FOXP1: variants seen among roughly 807,000 people sequenced by gnomAD.
FOXP1 encodes forkhead box protein P1.
In FOXP1, 15 loss-of-function variants were observed where a neutral mutation model predicts 98.2. That is an observed-to-expected ratio of 0.15 (90% confidence interval 0.10 to 0.24). FOXP1 has a LOEUF of 0.24. Ranked by LOEUF, FOXP1 falls within the 10% of genes least tolerant of loss-of-function variation. FOXP1 has a pLI of 1.00. For synonymous variants in FOXP1, 371 were observed against 314.5 expected, an observed-to-expected ratio of 1.18 and a Z score of -1.90; for missense variants, 633 against 848.5, an observed-to-expected ratio of 0.75 and a Z score of 3.15.
intron 6 of FOXP1, among the ~76,000 whole-genome samples, chr3:71,121,488 A>G (rs1575829766): frequency 9.9e-6 from 1 of 101,020 alleles, no homozygotes; most frequent in Non-Finnish European, 2.5e-5. Flanking sequence ...TAAAAAAAAA[A>G]CCCACCATCA....
intron 3 of FOXP1, among the ~76,000 whole-genome samples, chr3:71,386,600 G>A (rs979547284): frequency 6.6e-6 from 1 of 151,964 alleles, no homozygotes; most frequent in African/African-American, 2.4e-5. Flanking sequence ...AAAATTAGCT[G>A]GGCGTGGTAG....
chr3:71,040,441 C>T (rs930996941), intron 11 of FOXP1: 3 of 152,048 alleles, frequency 2.0e-5, no homozygotes, highest in African/African-American at 7.2e-5. Context: ...GAATAGCAAA[C>T]AAAAAGTTTT....
chr3:71,552,934 C>T (rs1159360334), intron 2 of FOXP1, among the ~76,000 whole-genome samples: 3 of 151,996 alleles, frequency 2.0e-5, no homozygotes, highest in African/African-American at 2.4e-5. Flanking sequence ...TCTCTTACCA[C>T]ATCACCAGTA....
At chr3:71,065,605 T>A (rs1159892661) in intron 7 of FOXP1, 2 of 152,082 alleles carry the variant, frequency 1.3e-5, no homozygotes, top group Non-Finnish European at 1.5e-5. Flanking sequence ...GGGGTGGAAA[T>A]AAATAACAAC....
intron 4 of FOXP1, among the ~76,000 whole-genome samples, chr3:71,315,629 T>C (rs1258954414): frequency 2.6e-5 from 4 of 152,170 alleles, no homozygotes; most frequent in African/African-American, 9.6e-5. Context: ...GGGAGGGGAC[T>C]CTGTGTGACC....
chr3:71,287,852 C>T (rs114235864), intron 5 of FOXP1, among the ~76,000 whole-genome samples: 1,526 of 152,156 alleles, frequency 0.01, 30 homozygotes, highest in African/African-American at 0.034. Context: ...AATAAGGTTA[C>T]CAATGAAATT....
At chr3:71,291,607 A>C (rs2072750258) in intron 5 of FOXP1, among the ~76,000 whole-genome samples, 1 of 152,186 alleles carries the variant, frequency 6.6e-6, no homozygotes, top group Non-Finnish European at 1.5e-5. Context: ...CATTGCAAAG[A>C]CAGTACTCAT....
At chr3:71,089,149 A>T (rs1559905337) in intron 7 of FOXP1, among the ~76,000 whole-genome samples, 1 of 152,190 alleles carries the variant, frequency 6.6e-6, no homozygotes, top group Non-Finnish European at 1.5e-5. Context: ...CATGCCTTGG[A>T]TAGTACCTTC....
intron 4 of FOXP1, chr3:71,302,763 C>G (rs2073956945): frequency 6.6e-6 from 1 of 152,052 alleles, no homozygotes; most frequent in Non-Finnish European, 1.5e-5. Flanking sequence ...GTTCCATGGC[C>G]TCTTCACTAT....
chr3:71,576,363 A>G (rs1284477115), intron 2 of FOXP1, among the ~76,000 whole-genome samples: 1 of 152,218 alleles, frequency 6.6e-6, no homozygotes, highest in East Asian at 1.9e-4. Flanking sequence ...TAAAAATACA[A>G]TTTGGAAGGA....
At chr3:71,474,005 TAC>T (rs2089595701) in intron 3 of FOXP1, among the ~76,000 whole-genome samples, 8 of 152,208 alleles carry the variant, frequency 5.3e-5, no homozygotes, top group Admixed American at 4.6e-4. Flanking sequence ...GATGATCTAT[TAC>T]ACCGTTCATA....
chr3:71,371,001 T>C (rs1449636343), intron 3 of FOXP1, among the ~76,000 whole-genome samples: 2 of 151,958 alleles, frequency 1.3e-5, no homozygotes, highest in African/African-American at 4.8e-5. Flanking sequence ...GGTCTCGAAC[T>C]CCTGACCTCA....
intron 2 of FOXP1, among the ~76,000 whole-genome samples, chr3:71,503,754 T>C (rs2041600219): frequency 6.6e-6 from 1 of 152,122 alleles, no homozygotes; most frequent in Non-Finnish European, 1.5e-5. Flanking sequence ...TGGAGCCTCA[T>C]CCATCATTCA....
At chr3:71,236,721 A>C (rs1466607783) in intron 5 of FOXP1, among the ~76,000 whole-genome samples, 2 of 151,900 alleles carry the variant, frequency 1.3e-5, no homozygotes, top group Non-Finnish European at 2.9e-5. Context: ...GACAATAAAA[A>C]TCATTAGCTG....
At chr3:71,177,998 G>C (rs1307142501) in intron 6 of FOXP1, among the ~76,000 whole-genome samples, 2 of 112,574 alleles carry the variant, frequency 1.8e-5, no homozygotes, top group Non-Finnish European at 3.6e-5. Flanking sequence ...ACCACACCTG[G>C]CTATTTTTTA....
At chr3:71,490,150 C>A (rs1172347724) in intron 3 of FOXP1, among the ~76,000 whole-genome samples, 1 of 152,136 alleles carries the variant, frequency 6.6e-6, no homozygotes, top group Non-Finnish European at 1.5e-5. Context: ...CCAGTCACTG[C>A]AGCACAGAGG....
intron 7 of FOXP1, among the ~76,000 whole-genome samples, chr3:71,095,867 T>A (rs2056404889): frequency 1.3e-5 from 2 of 152,318 alleles, no homozygotes; most frequent in South Asian, 4.1e-4. Flanking sequence ...GTGCATAAAA[T>A]GTGTAGAGAA....
chr3:71,015,456 ACT>A, intron 12 of FOXP1, 91 bp downstream of exon 12: 1 of 787,602 alleles, frequency 1.3e-6, no homozygotes, highest in Non-Finnish European at 2.2e-6. Context: ...GTGAGGTGAA[ACT>A]CTCCATCAAA....
intron 3 of FOXP1, among the ~76,000 whole-genome samples, chr3:71,432,866 A>AC (rs142495025): frequency 0.019 from 2,695 of 138,416 alleles, 95 homozygotes; most frequent in African/African-American, 0.054. Context: ...AAAAAAAAAA[A>AC]TTAAAAAAAA....
Sources: gnomAD v4.1 joint callset for allele counts (sites outside exome capture counted in the v4.1 genomes callset) on GRCh38, gnomAD v4.1.1 for gene constraint, MANE v1.5 for transcripts, NCBI Gene and HGNC (gene_info 2026-07-23, HGNC 2026-07-21) for gene names.